Variants in FRMD4B observed in about 807,000 individuals in gnomAD.
FRMD4B encodes FERM domain-containing protein 4B.
Under a neutral mutation model 141.5 loss-of-function variants are expected in FRMD4B, and 74 were observed. That is an observed-to-expected ratio of 0.52 (90% CI 0.43 to 0.63). The LOEUF is 0.63. Among genes scored for constraint, FRMD4B ranks in the 30% least tolerant of loss-of-function variants. The pLI is 0.00. For synonymous variants in FRMD4B, 506 were observed against 467.9 expected (o/e 1.08, Z -1.05); for missense variants, 1,366 against 1,253.4 (o/e 1.09, Z -1.36).
At chr3:69,528,101 C>T (rs546034642) in intron 1 of FRMD4B, among the ~76,000 whole-genome samples, 1 of 152,318 alleles carries the variant, frequency 6.6e-6, no homozygotes, top group Admixed American at 6.5e-5. Flanking sequence ...CCATTACCTT[C>T]CCTCCTTTGA....
chr3:69,205,903 T>C (rs2093020420), intron 11 of FRMD4B, among the ~76,000 whole-genome samples: 1 of 152,236 alleles, frequency 6.6e-6, no homozygotes, highest in Non-Finnish European at 1.5e-5. Context: ...CCTGTTCACA[T>C]TGCTTTACAT....
At chr3:69,353,873 CT>C (rs1360244957) in intron 1 of FRMD4B, among the ~76,000 whole-genome samples, 11 of 152,180 alleles carry the variant, frequency 7.2e-5, no homozygotes, top group Admixed American at 5.9e-4. Flanking sequence ...CACTCAAACG[CT>C]TTCTTTACAA....
At chr3:69,407,756 C>T (rs1261392295) in intron 2 of FRMD4B, among the ~76,000 whole-genome samples, 2 of 151,900 alleles carry the variant, frequency 1.3e-5, no homozygotes, top group Non-Finnish European at 2.9e-5. Context: ...TATGATTGAT[C>T]AGCAATATCT....
chr3:69,231,842 C>T (rs373961264), intron 7 of FRMD4B, among the ~76,000 whole-genome samples: 27 of 152,248 alleles, frequency 1.8e-4, no homozygotes, highest in East Asian at 9.7e-4. Context: ...AGGTTAAGCT[C>T]GATCGTTTCC....
At chr3:69,272,573 G>GT (rs1424659207) in intron 5 of FRMD4B, among the ~76,000 whole-genome samples, 8 of 152,100 alleles carry the variant, frequency 5.3e-5, no homozygotes, top group African/African-American at 1.9e-4. Flanking sequence ...ACATACACTC[G>GT]TATGTGTGTA....
At chr3:69,182,861 A>G (rs1168810154) in intron 19 of FRMD4B, 144 bp from the exon 20 acceptor site, 6 of 741,082 alleles carry the variant, frequency 8.1e-6, no homozygotes, top group Non-Finnish European at 1.3e-5. Context: ...TTTGTGGTTC[A>G]CTAAACCACA....
chr3:69,375,840 T>C (rs575283590), intron 1 of FRMD4B, among the ~76,000 whole-genome samples: 4 of 152,282 alleles, frequency 2.6e-5, no homozygotes, highest in Admixed American at 2.6e-4. Context: ...ATAAAGTGTG[T>C]AAAATCTAGG....
chr3:69,456,661 C>G (rs1705620342), intron 1 of FRMD4B, among the ~76,000 whole-genome samples: 1 of 151,072 alleles, frequency 6.6e-6, no homozygotes, highest in Non-Finnish European at 1.5e-5. Context: ...TGTCTATGAG[C>G]TGGCACACAA....
intron 1 of FRMD4B, among the ~76,000 whole-genome samples, chr3:69,343,577 G>GTTTTTTTT (rs66705405): frequency 1.6e-5 from 2 of 126,538 alleles, no homozygotes; most frequent in African/African-American, 6.0e-5. Context: ...ACAGTTTTTT[G>GTTTTTTTT]TTTTTTTTTT....
At chr3:69,339,926 C>T (rs1702679147) in intron 1 of FRMD4B, among the ~76,000 whole-genome samples, 1 of 152,010 alleles carries the variant, frequency 6.6e-6, no homozygotes, top group South Asian at 2.1e-4. Context: ...GAACCTAATT[C>T]AATCAGAAAA....
intron 1 of FRMD4B, among the ~76,000 whole-genome samples, chr3:69,457,611 C>T (rs1705640366): frequency 6.6e-6 from 1 of 152,090 alleles, no homozygotes; most frequent in South Asian, 2.1e-4. Flanking sequence ...CGTTTGTTTT[C>T]CCTAAATTAT....
At chr3:69,368,269 T>C (rs1446448861) in intron 1 of FRMD4B, among the ~76,000 whole-genome samples, 4 of 152,198 alleles carry the variant, frequency 2.6e-5, no homozygotes, top group African/African-American at 9.7e-5. Context: ...GTAAAGGACG[T>C]GGGCCAGCAT....
chr3:69,533,570 T>G (rs1203065958), intron 1 of FRMD4B, among the ~76,000 whole-genome samples: 1 of 152,226 alleles, frequency 6.6e-6, no homozygotes, highest in Non-Finnish European at 1.5e-5. Context: ...GTGGGGCTTG[T>G]GCTTTGAAAA....
chr3:69,211,753 C>T (rs1386267032), intron 11 of FRMD4B, among the ~76,000 whole-genome samples: 1 of 152,106 alleles, frequency 6.6e-6, no homozygotes, highest in Non-Finnish European at 1.5e-5. Flanking sequence ...GCCAATTTGA[C>T]CTTCATTCCT....
intron 17 of FRMD4B, among the ~76,000 whole-genome samples, chr3:69,192,809 T>A (rs1575595861): frequency 6.6e-6 from 1 of 152,196 alleles, no homozygotes; most frequent in African/African-American, 2.4e-5. Flanking sequence ...ATCTTTATTT[T>A]TTAATTTTGT....
Position 69,210,018 on chromosome 3 carries a change from C to A in FRMD4B, c.876+6245G>T, listed in dbSNP as rs76022101. ...GTTGTATGAGAAGAAAACAGGAAGA[C>A]TTTTGTGCTTGTTACTTAATTCATT... On this transcript the variant is annotated intron_variant, in intron 11 of 22. Transcript: ENST00000398540. Among the ~76,000 whole-genome samples the A allele has an allele frequency of 2.9e-3, 443 of 152,292 alleles. 1 individual carries two copies. Among genetic ancestry groups the A allele is most frequent in the Non-Finnish European group, 5.1e-3 (349 of 68,030 alleles).
chr3:69,518,582 A>C (rs997166665), intron 1 of FRMD4B, among the ~76,000 whole-genome samples: 1 of 152,220 alleles, frequency 6.6e-6, no homozygotes, highest in Non-Finnish European at 1.5e-5. Context: ...TCTGTGGTCC[A>C]CATTGTAGCA....
chr3:69,304,005 G>C lies in FRMD4B; in HGVS notation c.324-1570C>G, dbSNP rs1396148150. ...ACCACAGCTTTTAAAAAAAGTACAG[G>C]GTCGGTGCTAGGCACAGTGGCTCAT... On this transcript the variant is annotated intron_variant, in intron 3 of 22. Transcript: ENST00000398540. Among the ~76,000 whole-genome samples, 8 of 151,924 alleles carry C rather than the reference G, an allele frequency of 5.3e-5. No individual in the cohort carries two copies. In the South Asian group the frequency reaches 1.5e-3, roughly 28 times the overall value.
At chr3:69,384,078 AC>A (rs1704190661) in intron 1 of FRMD4B, among the ~76,000 whole-genome samples, 1 of 151,968 alleles carries the variant, frequency 6.6e-6, no homozygotes, top group Admixed American at 6.6e-5. Flanking sequence ...GGGATTATAG[AC>A]ACACAGCACA....
Sources: gnomAD v4.1 joint callset for allele counts (sites outside exome capture counted in the v4.1 genomes callset) on GRCh38, gnomAD v4.1.1 for gene constraint, MANE v1.5 for transcripts, NCBI Gene and HGNC (gene_info 2026-07-23, HGNC 2026-07-21) for gene names.